The following CDT1 variants were observed in gnomAD, a reference collection of about 807,000 sequenced individuals.
CDT1 encodes the protein DNA replication factor Cdt1.
Under a neutral mutation model 49.3 loss-of-function variants are expected in CDT1, and 66 were observed. The observed-to-expected ratio is 1.34, with a 90% CI of 1.10 to 1.64. CDT1 has a LOEUF of 1.64. Ranked by LOEUF, CDT1 falls within the 40% of genes most tolerant of loss-of-function variation. The pLI, the probability that CDT1 is intolerant of heterozygous loss-of-function variation, is 0.00. For synonymous variants in CDT1, 424 were observed against 347.4 expected, an observed-to-expected ratio of 1.22 and a Z score of -2.45; for missense variants, 958 against 807.7, an observed-to-expected ratio of 1.19 and a Z score of -2.26.
At chr16:88,805,379 GCTGTGGCGTTGGAGGGGTAGGGGCCTA>G (rs1278996760) in intron 3 of CDT1, 34 bp from the exon 4 acceptor site, 5 of 1,594,056 alleles carry the variant, frequency 3.1e-6, no homozygotes, top group African/African-American at 1.3e-5. Context: ...CGAGGGGCCT[GCTGTGGCGTTGGAGGGGTAGGGGCCTA>G]CTGCTTCTCA....
chr16:88,806,487 C>T lies in CDT1; in HGVS notation c.935C>T (p.Ala312Val), dbSNP rs751161254. ...LVEHVKEHHKAFLASLSPAMV... is the reference protein window; with the variant it reads ...LVEHVKEHHKVFLASLSPAMV... ...CACCCATCTACTCCTTCTCCCCAGG[C>T]CTTCCTGGCCTCCCTGAGCCCCGCC... The change falls in exon 7 of 10, where the codon GCC (alanine) becomes GTC (valine). Residue 312 changes from alanine to valine, a missense_variant and splice_region_variant. Transcript: ENST00000301019. 3.7e-6 allele frequency: 6 copies of T among 1,610,226 alleles called. No homozygotes were observed. The highest frequency in any genetic ancestry group is 3.3e-5 in the Admixed American group (2 of 59,792).
intron 9 of CDT1, among the ~76,000 whole-genome samples, chr16:88,807,713 TCA>T (rs1479589061): frequency 6.6e-6 from 1 of 152,126 alleles, no homozygotes; most frequent in East Asian, 1.9e-4. Context: ...AGCTTCCCCC[TCA>T]CAGCTCTGGC....
chr16:88,804,023 AC>A lies in CDT1; in HGVS notation c.194del (p.Pro65ArgfsTer34), dbSNP rs1908750926. 2.7e-6 allele frequency: 4 copies of A among 1,456,210 alleles called. No homozygotes were observed. The highest frequency in any genetic ancestry group is 3.6e-6 in the Non-Finnish European group (4 of 1,110,636). 90.2% of individuals were successfully genotyped at this position (1,456,210 alleles called of 1,614,324 possible). On this transcript the variant is annotated frameshift_variant, in exon 1 of 10. Transcript: ENST00000301019. LOFTEE classifies it high-confidence loss of function. The part of the protein sequence containing the change: ...AAPGRDQARP[P>X]ARRRLRLSVD... The stretch of plus-strand genomic sequence containing the variant: ...CCCCCGGACGCGACCAGGCCAGGCC[AC>A]CGGCCCGCAGGAGACTGCGGCTGTC...
At position 88,804,893 on chromosome 16, in the gene CDT1, G is replaced by C. The variant is rs1908792200; in HGVS notation, c.483G>C (p.Glu161Asp). 6.4e-7 allele frequency: 1 copy of C among 1,571,214 alleles called. No homozygotes were observed. Among genetic ancestry groups the C allele is most frequent in the Non-Finnish European group, 8.6e-7 (1 of 1,163,144 alleles). Residue 161 changes from glutamate (E) to aspartate (D), a missense_variant, in exon 3 of 10, where the codon GAG (glutamate) becomes GAC (aspartate). Physicochemically the swap from Glu to Asp is conservative, Grantham distance 45. Transcript: ENST00000301019. ...CTPEAEGRPE[E>D]PCGEKAPAYQ... ...CAGAGGCCGAGGGCCGCCCTGAGGAGCCATGGTGAGTGCTGGGTGGGCGGC... is the reference window on the plus strand; with the variant it reads ...CAGAGGCCGAGGGCCGCCCTGAGGACCCATGGTGAGTGCTGGGTGGGCGGC...
rs762351665 is a variant in CDT1 at position 88,804,516 on chromosome 16, G to A, written c.229-29G>A. ...AGCCAGGAGCACCAGGTCTTGTCAT[G>A]AGTTCACCCTTGGGGTCCCTCCCAC... On this transcript the variant is annotated intron_variant, in intron 1 of 9. Coordinates refer to ENST00000301019, the MANE Select transcript of CDT1 (RefSeq NM_030928.4). 1.0e-5 allele frequency: 16 copies of A among 1,607,896 alleles called. No individual in the cohort carries two copies. In the South Asian group the frequency reaches 1.7e-4, roughly 17 times the overall value.
chr16:88,804,427 C>G lies in CDT1; in HGVS notation c.229-118C>G. ...ACCACCATCTACGGGAAGTCCTAAG[C>G]CCCCCAGCCATGCCCGTCCCAGTTA... is the stretch of plus-strand genomic sequence containing the variant. On this transcript the variant is annotated intron_variant, in intron 1 of 9. Coordinates refer to ENST00000301019, the MANE Select transcript of CDT1 (RefSeq NM_030928.4). 3.0e-6 allele frequency: 4 copies of G among 1,318,710 alleles called. No homozygotes were observed. In the Admixed American group the frequency reaches 6.3e-5, roughly 21 times the overall value. The allele number at this position is 1,318,710 out of a possible 1,614,324, so 81.7% of individuals were successfully genotyped here. A position where few individuals can be genotyped will look rare whatever the true frequency, so the allele number is the denominator to read the frequency against.
In CDT1 at chr16:88,806,533, G is replaced by C; in HGVS notation, c.981G>C (p.Gln327His). The change falls in exon 7 of 10, where the codon CAG (glutamine) becomes CAC (histidine). Residue 327 changes from glutamine to histidine, a missense_variant. Gln to His is a conservative substitution (Grantham distance 24, BLOSUM62 0). Transcript: ENST00000301019. ...CCGCCATGGTGGTGCCGGAGGACCA[G>C]CTGACCCGCTGGCACCCGCGCTTCA... ...LSPAMVVPED[Q>H]LTRWHPRFNV... The C allele has an allele frequency of 6.2e-7, 1 of 1,610,552 alleles. No individual in the cohort carries two copies. Among genetic ancestry groups the C allele is most frequent in the Non-Finnish European group, 8.5e-7 (1 of 1,179,070 alleles).
In CDT1 at chr16:88,807,382, C is replaced by T. The variant is rs3218730; in HGVS notation, c.1377C>T (p.Arg459=). The T allele has an allele frequency of 0.055, 87,926 of 1,612,690 alleles. 2,834 individuals are homozygous for T. Among genetic ancestry groups the T allele is most frequent in the Middle Eastern group, 0.11 (639 of 6,042 alleles). ...QRLERLPELA[R]VLRSVFVSER... ...TAGAACGGCTGCCTGAGCTGGCCCG[C>T]GTGCTGCGGAGCGTCTTTGTGTCCG... Residue 459 remains arginine (R), a synonymous_variant, in exon 9 of 10, where the codon CGC becomes CGT. Transcript: ENST00000301019.
chr16:88,807,113 C>T lies in CDT1; in HGVS notation c.1185C>T (p.Pro395=), dbSNP rs150572251. The change falls in exon 8 of 10, where the codon CCC becomes CCT. Residue 395 remains proline (P), a synonymous_variant. Transcript: ENST00000301019. ...RSAAPSSPGS[P]RPALPATPPA... is the part of the protein sequence containing the mutation. ...CTGCGCCCAGCAGCCCCGGGTCTCC[C>T]AGGCCAGCACTGCCGGCTACCCCAC... 3.7e-6 allele frequency: 6 copies of T among 1,612,692 alleles called. No homozygotes were observed. In the African/African-American group the frequency reaches 5.3e-5, roughly 14 times the overall value.
In CDT1 at chr16:88,808,333, C is replaced by G; in HGVS notation, c.*55C>G. On this transcript the variant is annotated 3_prime_UTR_variant, in exon 10 of 10. Transcript: ENST00000301019. Reference sequence around the variant, plus strand: ...CTTCAGAAGCTCGCTGGCCTGGGCCCACCAGCATTTTCTTTTATGAACATG... The same window carrying G: ...CTTCAGAAGCTCGCTGGCCTGGGCCGACCAGCATTTTCTTTTATGAACATG... The G allele has an allele frequency of 6.6e-7, 1 of 1,525,728 alleles. No homozygotes were observed. Among genetic ancestry groups the G allele is most frequent in the Non-Finnish European group, 8.8e-7 (1 of 1,131,626 alleles). The allele number at this position is 1,525,728 out of a possible 1,614,324, so 94.5% of individuals were successfully genotyped here. A position where few individuals can be genotyped will look rare whatever the true frequency, so the allele number is the denominator to read the frequency against.
rs1908829407 is a variant in CDT1, at chr16:88,805,742, T to C, written c.705T>C (p.Asn235=). ...CCCATAGGCGTTTTGAGGAGTGCAA[T>C]GTTGGCCAGATCAAAACCGTGTACC... ...DMMRRRFEEC[N]VGQIKTVYPA... Residue 235 remains asparagine, a synonymous_variant, in exon 5 of 10, where the codon AAT becomes AAC. Coordinates refer to ENST00000301019, the MANE Select transcript of CDT1 (RefSeq NM_030928.4). The C allele has an allele frequency of 3.7e-6, 6 of 1,613,014 alleles. No homozygotes were observed. Among genetic ancestry groups the C allele is most frequent in the Non-Finnish European group, 5.1e-6 (6 of 1,179,968 alleles).
At chr16:88,806,382 TGCCCG>T in intron 6 of CDT1, 99 bp from the exon 7 acceptor site, 1 of 1,376,586 alleles carries the variant, frequency 7.3e-7, no homozygotes. Context: ...CTGAGTGACT[TGCCCG>T]AGGCGGCCCG....
rs775990434 is a variant in CDT1, at chr16:88,807,226, G to A, written c.1275+23G>A. 2.1e-5 allele frequency: 34 copies of A among 1,611,172 alleles called. No homozygotes were observed. The Admixed American group carries it at 2.3e-4, about 11-fold the overall frequency. On this transcript the variant is annotated intron_variant, in intron 8 of 9. Transcript: ENST00000301019. ...CGGGTGAGTCGTCCCCAGTGATGGC[G>A]GGTGGGCGCCTGGTGACCTGCTGCC...
rs776745359 is a variant in CDT1, at chr16:88,804,908, G to C, written c.488+10G>C. ...GCCCTGAGGAGCCATGGTGAGTGCT[G>C]GGTGGGCGGCCACGAGGCCCCGGCA... On this transcript the variant is annotated intron_variant, in intron 3 of 9. Transcript: ENST00000301019. 4 of 1,551,820 alleles carry C rather than the reference G, an allele frequency of 2.6e-6. No individual in the cohort carries two copies. The highest frequency in any genetic ancestry group is 3.4e-4 in the Middle Eastern group (2 of 5,892).
intron 3 of CDT1, 110 bp downstream of exon 3, chr16:88,805,008 T>C (rs1908797256): frequency 7.0e-7 from 1 of 1,418,490 alleles, no homozygotes; most frequent in African/African-American, 1.4e-5. Flanking sequence ...GGGAGGGTGG[T>C]GGTGAGGTCA....
intron 3 of CDT1, 118 bp downstream of exon 3, chr16:88,805,016 T>C: frequency 7.3e-7 from 1 of 1,368,194 alleles, no homozygotes; most frequent in Non-Finnish European, 9.8e-7. Flanking sequence ...GGTGGTGAGG[T>C]CACCAGGGCG....
intron 1 of CDT1, 37 bp from the exon 2 acceptor site, chr16:88,804,508 C>T (rs888513312): frequency 2.5e-6 from 4 of 1,604,630 alleles, no homozygotes; most frequent in Non-Finnish European, 3.4e-6. Flanking sequence ...AGCACCAGGT[C>T]TTGTCATGAG....
chr16:88,807,236 C>T, intron 8 of CDT1, 33 bp downstream of exon 8: 2 of 1,611,102 alleles, frequency 1.2e-6, no homozygotes, highest in South Asian at 1.1e-5. Context: ...GGGTGGGCGC[C>T]TGGTGACCTG....
At position 88,805,584 on chromosome 16, in the gene CDT1, C is replaced by A. The variant is rs548341429; in HGVS notation, c.633C>A (p.Ser211=). ...DTIVGMLHNR[S]ETPTFAKVQR... Reference sequence around the variant, plus strand: ...TCGTGGGCATGCTCCACAACCGCTCCGAGACGCCCACCTTTGCCAAGGTCC... The same window carrying A: ...TCGTGGGCATGCTCCACAACCGCTCAGAGACGCCCACCTTTGCCAAGGTCC... Residue 211 remains serine, a synonymous_variant, in exon 4 of 10, where the codon TCC becomes TCA. Coordinates refer to ENST00000301019, the MANE Select transcript of CDT1 (RefSeq NM_030928.4). 4 of 1,612,844 alleles carry A rather than the reference C, an allele frequency of 2.5e-6. No homozygotes were observed. The South Asian group carries it at 4.4e-5, about 18-fold the overall frequency.
Sources: gnomAD v4.1 joint callset for allele counts (sites outside exome capture counted in the v4.1 genomes callset) on GRCh38, gnomAD v4.1.1 for gene constraint, MANE v1.5 for transcripts, NCBI Gene and HGNC (gene_info 2026-07-23, HGNC 2026-07-21) for gene names.